The following RAD51B variants were observed in gnomAD, a reference collection of about 807,000 sequenced individuals.
RAD51B encodes the protein RAD51 paralog B, also known as DNA repair protein RAD51 homolog 2.
In RAD51B, 38 loss-of-function variants were observed where a neutral mutation model predicts 42.2. The ratio of observed to expected loss-of-function variants is 0.90; its 90% CI spans 0.70 to 1.18. RAD51B has a LOEUF of 1.18. Among genes scored for constraint, RAD51B ranks in the 50% most tolerant of loss-of-function variants. RAD51B has a pLI of 0.00. For synonymous variants in RAD51B, 154 were observed against 145.2 expected, an observed-to-expected ratio of 1.06 and a Z score of -0.43; for missense variants, 373 against 400.7, an observed-to-expected ratio of 0.93 and a Z score of 0.59.
intron 4 of RAD51B, among the ~76,000 whole-genome samples, chr14:67,863,150 A>ATTTTTTTTTTTTTTTTTTTTTTTTT (rs5809367): frequency 4.1e-5 from 3 of 74,032 alleles, no homozygotes; most frequent in African/African-American, 4.6e-5. Flanking sequence ...AAATATGGGA[A>ATTTTTTTTTTTTTTTTTTTTTTTTT]TTTTTTTTTT....
chr14:68,097,476 G>A (rs1278343874), intron 7 of RAD51B, among the ~76,000 whole-genome samples: 5 of 152,160 alleles, frequency 3.3e-5, no homozygotes, highest in African/African-American at 7.2e-5. Flanking sequence ...GAAACTTCAC[G>A]TATTATTTCC....
intron 7 of RAD51B, among the ~76,000 whole-genome samples, chr14:68,004,076 A>G (rs1326999993): frequency 6.6e-6 from 1 of 152,168 alleles, no homozygotes; most frequent in Non-Finnish European, 1.5e-5. Context: ...TATTGCTGTA[A>G]TCCCAGCACT....
chr14:68,006,279 A>G (rs1327705417), intron 7 of RAD51B, among the ~76,000 whole-genome samples: 1 of 152,166 alleles, frequency 6.6e-6, no homozygotes, highest in Non-Finnish European at 1.5e-5. Flanking sequence ...TGTTGATTTT[A>G]TGTACTACAA....
intron 10 of RAD51B, among the ~76,000 whole-genome samples, chr14:68,489,483 T>C (rs1365032533): frequency 1.3e-5 from 2 of 152,248 alleles, no homozygotes; most frequent in Non-Finnish European, 2.9e-5. Flanking sequence ...TGAGCTGGTA[T>C]TATTAGCTAG....
At position 68,072,051 on chromosome 14, in the gene RAD51B, A is replaced by AT. The variant is rs1426806046; in HGVS notation, c.756+184847_756+184848insT. 6.7e-3 allele frequency among the ~76,000 whole-genome samples: 807 copies of AT among 120,686 alleles called. 15 individuals carry two copies. Among genetic ancestry groups the AT allele is most frequent in the African/African-American group, 0.025 (609 of 24,508 alleles). The allele number at this position is 120,686 out of a possible 152,430, so 79.2% of individuals were successfully genotyped here. On this transcript the variant is annotated intron_variant, in intron 7 of 10. Transcript: ENST00000471583. ...TTTTCTAGATTTTATATATATATAT[A>AT]ATTATATATATTTATATAAATATAT...
intron 8 of RAD51B, among the ~76,000 whole-genome samples, chr14:68,373,345 G>A (rs2083298512): frequency 1.3e-5 from 2 of 152,164 alleles, no homozygotes; most frequent in Admixed American, 1.3e-4. Context: ...ACATATCTAG[G>A]AAGTGGGAGA....
chr14:68,183,989 G>T (rs2079104579), intron 7 of RAD51B, among the ~76,000 whole-genome samples: 1 of 151,596 alleles, frequency 6.6e-6, no homozygotes, highest in South Asian at 2.1e-4. Flanking sequence ...CTACTCGGGG[G>T]GGGTGAGGCA....
chr14:68,511,699 G>C (rs1303833598), intron 10 of RAD51B, among the ~76,000 whole-genome samples: 2 of 152,228 alleles, frequency 1.3e-5, no homozygotes, highest in Admixed American at 6.5e-5. Context: ...GAGAATTAGA[G>C]AGTGTTGGAG....
chr14:67,996,412 T>TA (rs946069724), intron 7 of RAD51B, among the ~76,000 whole-genome samples: 26 of 147,482 alleles, frequency 1.8e-4, no homozygotes, highest in African/African-American at 6.2e-4. Context: ...ATAACAACAA[T>TA]AATAAATAAA....
At chr14:68,098,878 A>G (rs1336913475) in intron 7 of RAD51B, among the ~76,000 whole-genome samples, 1 of 152,228 alleles carries the variant, frequency 6.6e-6, no homozygotes, top group Non-Finnish European at 1.5e-5. Flanking sequence ...ATGAGAGACA[A>G]GTTGTGTCCA....
At chr14:68,005,007 T>G (rs2075557277) in intron 7 of RAD51B, among the ~76,000 whole-genome samples, 1 of 151,630 alleles carries the variant, frequency 6.6e-6, no homozygotes, top group African/African-American at 2.4e-5. Flanking sequence ...TATTACATAT[T>G]TATGTATCCA....
At chr14:67,952,869 A>T (rs60014063) in intron 7 of RAD51B, among the ~76,000 whole-genome samples, 14,438 of 151,632 alleles carry the variant, frequency 0.095, 1,878 homozygotes, top group African/African-American at 0.29. Context: ...AAAGTTTTTT[A>T]GTTTAGTTTA....
chr14:68,668,743 C>A (rs919666317), intron 11 of RAD51B, among the ~76,000 whole-genome samples: 1 of 152,230 alleles, frequency 6.6e-6, no homozygotes, highest in African/African-American at 2.4e-5. Flanking sequence ...CCCAGGCACG[C>A]TGATCCGTGA....
chr14:68,637,375 G>A (rs760842842), intron 10 of RAD51B, among the ~76,000 whole-genome samples: 7 of 152,124 alleles, frequency 4.6e-5, no homozygotes, highest in Non-Finnish European at 8.8e-5. Flanking sequence ...CACCTCACTC[G>A]GACTTCGTAA....
At chr14:68,427,976 G>C (rs930348131) in intron 9 of RAD51B, among the ~76,000 whole-genome samples, 3 of 152,222 alleles carry the variant, frequency 2.0e-5, no homozygotes, top group Non-Finnish European at 4.4e-5. Context: ...TGCTGTTATT[G>C]TGAAAGTGAG....
At chr14:68,602,390 C>T (rs1040249221) in intron 10 of RAD51B, among the ~76,000 whole-genome samples, 3 of 152,112 alleles carry the variant, frequency 2.0e-5, no homozygotes, top group Non-Finnish European at 4.4e-5. Context: ...TCTCCCTCCT[C>T]CTGCCTTTGT....
At chr14:68,528,774 T>G (rs1021143268) in intron 10 of RAD51B, among the ~76,000 whole-genome samples, 3 of 88,682 alleles carry the variant, frequency 3.4e-5, no homozygotes, top group Non-Finnish European at 7.2e-5. Flanking sequence ...TTAATACTTA[T>G]TCTAGTATGT....
chr14:67,942,997 G>A (rs2045261557), intron 7 of RAD51B, among the ~76,000 whole-genome samples: 1 of 151,902 alleles, frequency 6.6e-6, no homozygotes, highest in Non-Finnish European at 1.5e-5. Flanking sequence ...AGGCTGTTTT[G>A]AATTTTGAAA....
chr14:68,100,872 A>G (rs1301208168), intron 7 of RAD51B, among the ~76,000 whole-genome samples: 1 of 152,212 alleles, frequency 6.6e-6, no homozygotes, highest in East Asian at 1.9e-4. Flanking sequence ...TCCTGACCAC[A>G]CTATTAGTCT....
Sources: allele counts gnomAD v4.1 joint callset (sites outside exome capture counted in the v4.1 genomes callset), GRCh38; gene constraint gnomAD v4.1.1; transcripts MANE v1.5; gene names NCBI Gene and HGNC (gene_info 2026-07-23, HGNC 2026-07-21).